FLOT2: variants seen among roughly 807,000 people sequenced by gnomAD.
FLOT2 encodes flotillin 2, also known as flotillin-2.
Under a neutral mutation model 54.9 loss-of-function variants are expected in FLOT2, and 35 were observed. The ratio of observed to expected loss-of-function variants is 0.64; its 90% CI spans 0.49 to 0.84. FLOT2 has a LOEUF of 0.84. Ranked by LOEUF, FLOT2 falls within the 40% of genes least tolerant of loss-of-function variation. The pLI, the probability that FLOT2 is intolerant of heterozygous loss-of-function variation, is 0.00. For missense variants in FLOT2, 464 were observed against 572.1 expected (o/e 0.81, Z 1.93); for synonymous variants, 207 against 228.9 (o/e 0.90, Z 0.86).
At chr17:28,888,478 T>C (rs1386645108) in intron 2 of FLOT2, among the ~76,000 whole-genome samples, 2 of 152,210 alleles carry the variant, frequency 1.3e-5, no homozygotes, top group African/African-American at 4.8e-5. Flanking sequence ...ATATGTCCAT[T>C]CTCTGCCACA....
chr17:28,885,585 G>A (rs1034798655), intron 2 of FLOT2: 6 of 717,336 alleles, frequency 8.4e-6, no homozygotes, highest in South Asian at 3.0e-5. Flanking sequence ...GCATGGTAAC[G>A]AAGGCCTGGC....
Position 28,881,390 on chromosome 17 carries a change from GC to G in FLOT2, c.915-16del. 6.2e-7 allele frequency: 1 copy of G among 1,607,946 alleles called. No homozygotes were observed. The highest frequency in any genetic ancestry group is 1.1e-5 in the South Asian group (1 of 91,076). Reference sequence around the variant, plus strand: ...CCTGCTTCACCCTGGGGGAGCCCAGGCCAGTTAGGATCAGTGGGACGTACCA... The same window carrying G: ...CCTGCTTCACCCTGGGGGAGCCCAGGCAGTTAGGATCAGTGGGACGTACCA... On this transcript the variant is annotated splice_polypyrimidine_tract_variant and intron_variant, in intron 8 of 10. Coordinates refer to ENST00000394908, the MANE Select transcript of FLOT2 (RefSeq NM_004475.3).
In FLOT2 at chr17:28,880,153, A is replaced by C. The variant is rs1420915806; in HGVS notation, c.*408T>G. ...CCCCTGCCCATGCTGAGCTCTGGCC[A>C]GGGCCATAGGGAGGATGGACAGATG... On this transcript the variant is annotated 3_prime_UTR_variant, in exon 11 of 11. Transcript: ENST00000394908. The C allele has an allele frequency of 1.9e-6, 2 of 1,062,258 alleles. No homozygotes were observed. Among genetic ancestry groups the C allele is most frequent in the Non-Finnish European group, 1.1e-6 (1 of 875,868 alleles). 65.8% of individuals were successfully genotyped at this position (1,062,258 alleles called of 1,614,324 possible).
At position 28,880,603 on chromosome 17, in the gene FLOT2, C is replaced by A; in HGVS notation, c.1249-4G>T. The A allele has an allele frequency of 6.2e-7, 1 of 1,614,074 alleles. No individual in the cohort carries two copies. Among genetic ancestry groups the A allele is most frequent in the Non-Finnish European group, 8.5e-7 (1 of 1,180,016 alleles). ...TGGCCTTCTTGATCAGGGGTATCTG[C>A]AAGGATGGGAGATGCCATGAGACCT... On this transcript the variant is annotated splice_polypyrimidine_tract_variant and splice_region_variant and intron_variant, in intron 10 of 10. Coordinates refer to ENST00000394908, the MANE Select transcript of FLOT2 (RefSeq NM_004475.3).
rs1234770893 is a variant in FLOT2, at chr17:28,881,216, G to A, written c.1074C>T (p.Ala358=). Residue 358 remains alanine (A), a synonymous_variant, in exon 9 of 11, where the codon GCC becomes GCT. Coordinates refer to ENST00000394908, the MANE Select transcript of FLOT2 (RefSeq NM_004475.3). ...YQKYGDAAKM[A]LVLEALPQIA... Reference sequence around the variant, plus strand: ...CCTGGGGCAGGGCCTCTAGCACCAAGGCCATCTTGGCTGCATCCCCGTATT... The same window carrying A: ...CCTGGGGCAGGGCCTCTAGCACCAAAGCCATCTTGGCTGCATCCCCGTATT... 6.2e-7 allele frequency: 1 copy of A among 1,614,106 alleles called. No individual in the cohort carries two copies. Among genetic ancestry groups the A allele is most frequent in the South Asian group, 1.1e-5 (1 of 91,072 alleles).
intron 1 of FLOT2, 42 bp from the exon 2 acceptor site, chr17:28,889,068 G>A (rs533667131): frequency 1.3e-6 from 2 of 1,567,486 alleles, no homozygotes; most frequent in East Asian, 2.3e-5. Flanking sequence ...TCGGTTCTTG[G>A]GTCTGTCTAC....
chr17:28,886,600 A>G (rs557208018), intron 2 of FLOT2, among the ~76,000 whole-genome samples: 1 of 152,162 alleles, frequency 6.6e-6, no homozygotes, highest in South Asian at 2.1e-4. Flanking sequence ...AGGGGCAGAG[A>G]GAAGATTATT....
At chr17:28,890,846 A>C (rs951058327) in intron 1 of FLOT2, among the ~76,000 whole-genome samples, 3 of 145,372 alleles carry the variant, frequency 2.1e-5, no homozygotes, top group African/African-American at 5.0e-5. Flanking sequence ...AAAACCAGAG[A>C]GTGTTATCAT....
chr17:28,882,088 C>G lies in FLOT2; in HGVS notation c.699+30G>C, dbSNP rs760330790. 6.2e-7 allele frequency: 1 copy of G among 1,613,798 alleles called. No homozygotes were observed. The highest frequency in any genetic ancestry group is 8.5e-7 in the Non-Finnish European group (1 of 1,179,732). ...GGTCACCAAGTCCTGATCCCTGAGC[C>G]CCATCCCAGGATGTCCTCAGGCTGC... is the stretch of plus-strand genomic sequence containing the variant. On this transcript the variant is annotated intron_variant, in intron 7 of 10. Transcript: ENST00000394908. The surrounding 1 kb of genome is among the most constrained non-coding windows in gnomAD (Gnocchi z 5.6).
chr17:28,890,683 G>A (rs2039634356), intron 1 of FLOT2, among the ~76,000 whole-genome samples: 1 of 152,064 alleles, frequency 6.6e-6, no homozygotes, highest in Admixed American at 6.5e-5. Flanking sequence ...ACTGCGCCCG[G>A]CAATTCCTGA....
At chr17:28,896,098 G>A (rs1413325414) in intron 1 of FLOT2, among the ~76,000 whole-genome samples, 1 of 152,222 alleles carries the variant, frequency 6.6e-6, no homozygotes, top group Admixed American at 6.5e-5. Context: ...AGCATCCTCA[G>A]TTCTCAGCAA....
At chr17:28,886,929 A>T (rs1239474072) in intron 2 of FLOT2, among the ~76,000 whole-genome samples, 1 of 152,034 alleles carries the variant, frequency 6.6e-6, no homozygotes, top group Non-Finnish European at 1.5e-5. Flanking sequence ...TAACACTAGC[A>T]TCCTTGGGCC....
In FLOT2 at chr17:28,883,283, G is replaced by C. The variant is rs772302898; in HGVS notation, c.223-52C>G. 2 of 1,610,374 alleles carry C rather than the reference G, an allele frequency of 1.2e-6. No individual in the cohort carries two copies. The highest frequency in any genetic ancestry group is 2.2e-5 in the South Asian group (2 of 91,006). ...GCTAGGCTGGAGCGAGGCAGACAAA[G>C]GCCCCAGACCCAGAGGTAGGCAGGA... is the stretch of plus-strand genomic sequence containing the variant. On this transcript the variant is annotated intron_variant, in intron 3 of 10. Transcript: ENST00000394908. The surrounding 1 kb of genome is among the most constrained non-coding windows in gnomAD (Gnocchi z 5.0).
chr17:28,884,450 G>C lies in FLOT2; in HGVS notation c.132-135C>G. The C allele has an allele frequency of 1.6e-6, 1 of 612,474 alleles. No individual in the cohort carries two copies. Among genetic ancestry groups the C allele is most frequent in the Non-Finnish European group, 2.9e-6 (1 of 344,356 alleles). 37.9% of individuals were successfully genotyped at this position (612,474 alleles called of 1,614,324 possible). ...GAGGGAGGACTCTCCACGGGGCTGAGATGGGAGTGTCTGAGAAGGAGGTGG... is the reference window on the plus strand; with the variant it reads ...GAGGGAGGACTCTCCACGGGGCTGACATGGGAGTGTCTGAGAAGGAGGTGG... On this transcript the variant is annotated intron_variant, in intron 2 of 10. Coordinates refer to ENST00000394908, the MANE Select transcript of FLOT2 (RefSeq NM_004475.3). This position sits in a 1 kb window ranked among gnomAD's most constrained non-coding sequence, Gnocchi z 5.1.
chr17:28,888,414 C>T (rs1029977945), intron 2 of FLOT2, among the ~76,000 whole-genome samples: 3 of 152,162 alleles, frequency 2.0e-5, no homozygotes, highest in Non-Finnish European at 4.4e-5. Context: ...AGCACTAATT[C>T]GTTAGGTCCC....
chr17:28,886,084 CA>C (rs1430856389), intron 2 of FLOT2: 1 of 629,778 alleles, frequency 1.6e-6, no homozygotes, highest in South Asian at 1.6e-5. Context: ...GTCAGTAATC[CA>C]ACCCCCCAAC....
chr17:28,880,211 G>A lies in FLOT2; in HGVS notation c.*350C>T. The A allele has an allele frequency of 1.7e-6, 2 of 1,150,834 alleles. No homozygotes were observed. The highest frequency in any genetic ancestry group is 1.1e-6 in the Non-Finnish European group (1 of 929,370). 71.3% of individuals were successfully genotyped at this position (1,150,834 alleles called of 1,614,324 possible). A position where few individuals can be genotyped will look rare whatever the true frequency, so the allele number is the denominator to read the frequency against. On this transcript the variant is annotated 3_prime_UTR_variant, in exon 11 of 11. Transcript: ENST00000394908. ...AACTTCAAGGCACCAGGATTCTGAG[G>A]AGCAGCAGGGCCACCCCCCACAGAG...
intron 1 of FLOT2, among the ~76,000 whole-genome samples, chr17:28,893,957 G>A (rs1435907007): frequency 6.6e-6 from 1 of 152,232 alleles, no homozygotes; most frequent in East Asian, 1.9e-4. Flanking sequence ...GGGCACTCGA[G>A]GAGCTCGGAT....
rs2039444271 is a variant in FLOT2, at chr17:28,881,343, G to C, written c.947C>G (p.Ala316Gly). Residue 316 changes from alanine to glycine, a missense_variant, in exon 9 of 11, where the codon GCT (alanine) becomes GGT (glycine). By Grantham distance (60) the Ala-to-Gly change is moderately conservative. Transcript: ENST00000394908. ...CTCCCCGATTTTGCGGATCTTCTCAGCCTCTGCCTGTGCCAAGAGGACCTG... is the reference window on the plus strand; with the variant it reads ...CTCCCCGATTTTGCGGATCTTCTCACCCTCTGCCTGTGCCAAGAGGACCTG... ...VKQVLLAQAE[A>G]EKIRKIGEAE... The C allele has an allele frequency of 6.2e-7, 1 of 1,613,224 alleles. No individual in the cohort carries two copies. Among genetic ancestry groups the C allele is most frequent in the Non-Finnish European group, 8.5e-7 (1 of 1,180,028 alleles).
Sources: gnomAD v4.1 joint callset for allele counts (sites outside exome capture counted in the v4.1 genomes callset) on GRCh38, gnomAD v4.1.1 for gene constraint, Gnocchi (gnomAD v3.1) non-coding constraint, MANE v1.5 for transcripts, NCBI Gene and HGNC (gene_info 2026-07-23, HGNC 2026-07-21) for gene names.